The following GIGYF2 variants were observed in gnomAD, a reference collection of about 807,000 sequenced individuals.
GIGYF2 encodes the protein GRB10-interacting GYF protein 2.
Under a neutral mutation model 208.1 loss-of-function variants are expected in GIGYF2, and 25 were observed. That is an observed-to-expected ratio of 0.12 (90% CI 0.09 to 0.17). The LOEUF (loss-of-function observed/expected upper bound fraction) is 0.17. Ranked by LOEUF, GIGYF2 falls within the 10% of genes least tolerant of loss-of-function variation. The pLI, the probability that GIGYF2 is intolerant of heterozygous loss-of-function variation, is 1.00. For synonymous variants in GIGYF2, 534 were observed against 543.8 expected, an observed-to-expected ratio of 0.98 and a Z score of 0.25; for missense variants, 1,302 against 1,579.4, an observed-to-expected ratio of 0.82 and a Z score of 2.98.
intron 3 of GIGYF2, among the ~76,000 whole-genome samples, chr2:232,742,719 G>A (rs1698015285): frequency 6.6e-6 from 1 of 152,152 alleles, no homozygotes; most frequent in African/African-American, 2.4e-5. Flanking sequence ...AAACTAATAG[G>A]ACATGGTAAT....
intron 3 of GIGYF2, among the ~76,000 whole-genome samples, chr2:232,746,016 G>A (rs563904023): frequency 3.3e-4 from 50 of 152,114 alleles, no homozygotes; most frequent in African/African-American, 1.1e-3. Flanking sequence ...TCAGCACTTC[G>A]AGAGGCCAAG....
intron 8 of GIGYF2, among the ~76,000 whole-genome samples, chr2:232,780,049 A>C (rs774961812): frequency 6.6e-6 from 1 of 151,964 alleles, no homozygotes; most frequent in African/African-American, 2.4e-5. Context: ...CCATAATTCC[A>C]CTTTTGCTTG....
chr2:232,778,920 T>C (rs1339459756), intron 8 of GIGYF2, among the ~76,000 whole-genome samples: 1 of 152,198 alleles, frequency 6.6e-6, no homozygotes, highest in Non-Finnish European at 1.5e-5. Context: ...TAATCTTCCC[T>C]GATTGATGAA....
chr2:232,800,935 T>C (rs2106374596), intron 14 of GIGYF2, among the ~76,000 whole-genome samples: 1 of 151,958 alleles, frequency 6.6e-6, no homozygotes, highest in South Asian at 2.1e-4. Flanking sequence ...TGCAGTGCAG[T>C]GGGGCAATCT....
intron 18 of GIGYF2, among the ~76,000 whole-genome samples, chr2:232,814,725 C>T (rs538207505): frequency 1.3e-5 from 2 of 152,190 alleles, no homozygotes; most frequent in Admixed American, 6.5e-5. Flanking sequence ...TGCTTCTGGT[C>T]CCAAGCATTT....
chr2:232,765,679 A>ATAATC (rs985581377), intron 8 of GIGYF2: 2 of 189,024 alleles, frequency 1.1e-5, no homozygotes, highest in African/African-American at 4.7e-5. Flanking sequence ...TTATTAAAAA[A>ATAATC]TAATCCATAT....
chr2:232,850,053 G>T (rs1170781225), intron 27 of GIGYF2, among the ~76,000 whole-genome samples: 1 of 152,222 alleles, frequency 6.6e-6, no homozygotes, highest in Non-Finnish European at 1.5e-5. Flanking sequence ...GAGGCACTGA[G>T]CCCTGAGTGG....
At chr2:232,779,611 G>C (rs1374092177) in intron 8 of GIGYF2, among the ~76,000 whole-genome samples, 1 of 152,182 alleles carries the variant, frequency 6.6e-6, no homozygotes, top group Admixed American at 6.5e-5. Flanking sequence ...CCTTCCCACA[G>C]ATTTCAGGCA....
intron 23 of GIGYF2, among the ~76,000 whole-genome samples, chr2:232,840,525 C>CTCAT (rs56108365): frequency 2.2e-3 from 330 of 151,332 alleles, no homozygotes; most frequent in Middle Eastern, 0.017. Context: ...CCATTCGGTG[C>CTCAT]TCATTCATTC....
chr2:232,747,107 T>C (rs572333602), intron 3 of GIGYF2, among the ~76,000 whole-genome samples: 1 of 152,336 alleles, frequency 6.6e-6, no homozygotes, highest in East Asian at 1.9e-4. Context: ...ATATTTTAGC[T>C]ATTACCAAAT....
Position 232,703,496 on chromosome 2 carries a change from G to A in GIGYF2, c.-44+7G>A, listed in dbSNP as rs1695947986. 1 of 152,648 alleles carries A rather than the reference G, an allele frequency of 6.6e-6. No homozygotes were observed. The highest frequency in any genetic ancestry group is 1.5e-5 in the Non-Finnish European group (1 of 68,040). The allele number at this position is 152,648 out of a possible 1,614,324, so 9.5% of individuals were successfully genotyped here. On this transcript the variant is annotated splice_region_variant and intron_variant, in intron 2 of 28. Transcript: ENST00000373563. ...CAGCAGAATTTTTGAACAGGTAAGT[G>A]TGGAAGGGAAGCACAAAGCCTGAGG...
At chr2:232,723,867 GAGGCTTTTGC>G (rs1281539267) in intron 2 of GIGYF2, among the ~76,000 whole-genome samples, 1 of 145,734 alleles carries the variant, frequency 6.9e-6, no homozygotes, top group Non-Finnish European at 1.5e-5. Flanking sequence ...TGAGTAGCTG[GAGGCTTTTGC>G]AGGCTTTTGC....
rs992414309 is a variant in GIGYF2, at chr2:232,730,371, G to A, written c.-43-4784G>A. Among the ~76,000 whole-genome samples, 8 of 152,124 alleles carry A rather than the reference G, an allele frequency of 5.3e-5. 1 individual carries two copies. Among genetic ancestry groups the A allele is most frequent in the Middle Eastern group, 3.4e-3 (1 of 294 alleles). ...TGTAGTCCCAGCACTTTGGGAGGCC[G>A]AGGCAGGTGGATCATTTAAGGTTGG... On this transcript the variant is annotated intron_variant, in intron 2 of 28. Transcript: ENST00000373563.
At chr2:232,713,701 C>G (rs962430267) in intron 2 of GIGYF2, among the ~76,000 whole-genome samples, 1 of 152,070 alleles carries the variant, frequency 6.6e-6, no homozygotes, top group Non-Finnish European at 1.5e-5. Flanking sequence ...TTTTTGATGA[C>G]CTTGACAAGT....
intron 21 of GIGYF2, among the ~76,000 whole-genome samples, chr2:232,824,284 C>A (rs1480791683): frequency 6.6e-6 from 1 of 152,126 alleles, no homozygotes; most frequent in East Asian, 1.9e-4. Flanking sequence ...GAAGGCATGT[C>A]AGAAGCTGAG....
At chr2:232,808,019 T>G (rs1700613243) in intron 15 of GIGYF2, among the ~76,000 whole-genome samples, 1 of 152,054 alleles carries the variant, frequency 6.6e-6, no homozygotes. Flanking sequence ...GTCAAGGGAG[T>G]GTGTAGGTGA....
intron 2 of GIGYF2, among the ~76,000 whole-genome samples, chr2:232,708,473 A>G (rs1376924246): frequency 6.6e-6 from 1 of 152,118 alleles, no homozygotes; most frequent in Admixed American, 6.6e-5. Context: ...AAAAAAAGCA[A>G]TATTGAGTAC....
intron 9 of GIGYF2, 93 bp downstream of exon 9, chr2:232,787,422 A>C (rs1699950842): frequency 8.9e-7 from 1 of 1,119,202 alleles, no homozygotes; most frequent in African/African-American, 1.5e-5. Flanking sequence ...AACTGGCTTA[A>C]AAAATGTGGG....
intron 2 of GIGYF2, among the ~76,000 whole-genome samples, chr2:232,730,453 C>A (rs6716488): frequency 0.72 from 108,564 of 150,566 alleles, 39,790 homozygotes; most frequent in East Asian, 0.88. Context: ...GAAAATACAA[C>A]AATTAGCTGG....
Sources: allele counts gnomAD v4.1 joint callset (sites outside exome capture counted in the v4.1 genomes callset), GRCh38; gene constraint gnomAD v4.1.1; transcripts MANE v1.5; gene names NCBI Gene and HGNC (gene_info 2026-07-23, HGNC 2026-07-21).